RBFOX1: variants seen among roughly 807,000 people sequenced by gnomAD.
The protein encoded by RBFOX1 is RNA binding protein fox-1 homolog 1.
RBFOX1 carries 8 observed loss-of-function variants against 57.7 expected under a neutral mutation model. The ratio of observed to expected loss-of-function variants is 0.14; its 90% CI spans 0.08 to 0.25. RBFOX1 has a LOEUF of 0.25. Ranked by LOEUF, RBFOX1 falls within the 10% of genes least tolerant of loss-of-function variation. The probability of loss-of-function intolerance (pLI) is 1.00; values close to 1 mark genes in which losing one functional copy is unlikely to be tolerated. For missense variants in RBFOX1, 611 were observed against 548.5 expected (o/e 1.11, Z -1.14); for synonymous variants, 326 against 222.4 (o/e 1.47, Z -4.15).
chr16:5,427,896 C>T (rs374248173), intron 1 of RBFOX1, among the ~76,000 whole-genome samples: 2 of 152,192 alleles, frequency 1.3e-5, no homozygotes, highest in South Asian at 2.1e-4. Flanking sequence ...ATCTGGGCAT[C>T]GTGGCCCAGC....
At chr16:7,479,422 G>C (rs946314070) in intron 4 of RBFOX1, among the ~76,000 whole-genome samples, 1 of 152,096 alleles carries the variant, frequency 6.6e-6, no homozygotes, top group African/African-American at 2.4e-5. Context: ...GAGCCGGGGT[G>C]CCTGGCCCAA....
chr16:6,858,705 A>G (rs1440940671), intron 3 of RBFOX1, among the ~76,000 whole-genome samples: 1 of 152,270 alleles, frequency 6.6e-6, no homozygotes, highest in East Asian at 1.9e-4. Flanking sequence ...ATATCAGAAT[A>G]TGAGTGTTCA....
chr16:6,799,851 C>A (rs567662333), intron 3 of RBFOX1, among the ~76,000 whole-genome samples: 2 of 152,120 alleles, frequency 1.3e-5, no homozygotes, highest in African/African-American at 4.8e-5. Flanking sequence ...CTGTCAGCTT[C>A]CCTGCTTTTA....
intron 2 of RBFOX1, among the ~76,000 whole-genome samples, chr16:6,550,857 A>G (rs775986257): frequency 1.3e-5 from 2 of 152,336 alleles, no homozygotes; most frequent in South Asian, 2.1e-4. Flanking sequence ...CCCTAAATAG[A>G]TATTTAATTC....
chr16:6,538,587 G>C (rs1002538123), intron 2 of RBFOX1, among the ~76,000 whole-genome samples: 7 of 152,156 alleles, frequency 4.6e-5, no homozygotes, highest in Admixed American at 6.5e-5. Flanking sequence ...ATAACAGAAG[G>C]TAACAAATGT....
intron 4 of RBFOX1, among the ~76,000 whole-genome samples, chr16:7,219,152 G>C (rs1209120135): frequency 6.6e-6 from 1 of 152,104 alleles, no homozygotes; most frequent in Non-Finnish European, 1.5e-5. Flanking sequence ...GAGTAGCCTT[G>C]TTAATTCACC....
chr16:6,463,557 C>G (rs1597606584), intron 2 of RBFOX1, among the ~76,000 whole-genome samples: 3 of 151,986 alleles, frequency 2.0e-5, no homozygotes, highest in South Asian at 4.2e-4. Flanking sequence ...AAATCTGACC[C>G]AAGCTGATGC....
At chr16:6,978,797 G>A (rs2087822793) in intron 3 of RBFOX1, among the ~76,000 whole-genome samples, 1 of 152,182 alleles carries the variant, frequency 6.6e-6, no homozygotes, top group South Asian at 2.1e-4. Context: ...ATGCTCTGTG[G>A]CTACAATACA....
intron 4 of RBFOX1, among the ~76,000 whole-genome samples, chr16:7,200,931 A>G (rs187273466): frequency 3.3e-5 from 5 of 152,326 alleles, no homozygotes; most frequent in East Asian, 3.9e-4. Context: ...GAATGAGGCA[A>G]GAAGGTTTAA....
At chr16:6,293,537 C>T (rs2077694423) in intron 1 of RBFOX1, among the ~76,000 whole-genome samples, 1 of 152,162 alleles carries the variant, frequency 6.6e-6, no homozygotes, top group Non-Finnish European at 1.5e-5. Flanking sequence ...TTTCTCCCTT[C>T]AGGGAACTGA....
At chr16:7,632,456 A>G (rs570532404) in intron 11 of RBFOX1, among the ~76,000 whole-genome samples, 1 of 152,326 alleles carries the variant, frequency 6.6e-6, no homozygotes, top group Non-Finnish European at 1.5e-5. Context: ...AGCACCAGGT[A>G]GGTATCACAA....
chr16:7,173,260 C>T (rs144813493), intron 4 of RBFOX1, among the ~76,000 whole-genome samples: 2 of 152,284 alleles, frequency 1.3e-5, no homozygotes, highest in East Asian at 1.9e-4. Flanking sequence ...CCACTGACTA[C>T]GAAAACCTGG....
intron 1 of RBFOX1, among the ~76,000 whole-genome samples, chr16:6,289,372 C>T (rs1163917673): frequency 6.6e-6 from 1 of 152,030 alleles, no homozygotes; most frequent in Non-Finnish European, 1.5e-5. Context: ...CCCTTCCCTC[C>T]CAAAAGTGTA....
At chr16:7,647,182 A>G (rs2144116413) in intron 11 of RBFOX1, among the ~76,000 whole-genome samples, 1 of 152,334 alleles carries the variant, frequency 6.6e-6, no homozygotes, top group South Asian at 2.1e-4. Context: ...AACCTCCCCC[A>G]GAATATGCTC....
At chr16:6,236,260 C>T (rs780503609) in intron 1 of RBFOX1, among the ~76,000 whole-genome samples, 19 of 152,136 alleles carry the variant, frequency 1.2e-4, no homozygotes, top group Non-Finnish European at 2.2e-4. Context: ...GGCACCACCA[C>T]CTTGACCTTG....
At chr16:5,790,223 G>A (rs916333508) in intron 3 of RBFOX1, among the ~76,000 whole-genome samples, 1 of 152,254 alleles carries the variant, frequency 6.6e-6, no homozygotes, top group African/African-American at 2.4e-5. Flanking sequence ...ATCCACCAAA[G>A]GTCAGTTCCA....
intron 4 of RBFOX1, among the ~76,000 whole-genome samples, chr16:7,462,015 C>T (rs1261903744): frequency 6.6e-6 from 1 of 152,190 alleles, no homozygotes; most frequent in East Asian, 1.9e-4. Context: ...ATTTTCTCTC[C>T]TTACGTGCCT....
chr16:6,233,623 C>G (rs2152910112), intron 1 of RBFOX1, among the ~76,000 whole-genome samples: 1 of 152,140 alleles, frequency 6.6e-6, no homozygotes, highest in South Asian at 2.1e-4. Context: ...GATTTTTTAT[C>G]AAAGAAATGG....
chr16:7,477,203 CTG>C (rs1369023334), intron 4 of RBFOX1, among the ~76,000 whole-genome samples: 1 of 152,178 alleles, frequency 6.6e-6, no homozygotes, highest in African/African-American at 2.4e-5. Context: ...ATCGGTATAT[CTG>C]TCTCTTGGGT....
Sources: gnomAD v4.1 joint callset for allele counts (sites outside exome capture counted in the v4.1 genomes callset) on GRCh38, gnomAD v4.1.1 for gene constraint, MANE v1.5 for transcripts, NCBI Gene and HGNC (gene_info 2026-07-23, HGNC 2026-07-21) for gene names.